TNS1: variants seen among roughly 807,000 people sequenced by gnomAD.
TNS1 encodes tensin 1.
In TNS1, 62 loss-of-function variants were observed where a neutral mutation model predicts 168.6. The ratio of observed to expected loss-of-function variants is 0.37; its 90% CI spans 0.30 to 0.45. The LOEUF (loss-of-function observed/expected upper bound fraction) is 0.45. Ranked by LOEUF, TNS1 falls within the 20% of genes least tolerant of loss-of-function variation. TNS1 has a pLI of 1.00. For missense variants in TNS1, 2,240 were observed against 2,339.4 expected (o/e 0.96, Z 0.88); for synonymous variants, 934 against 933.2 (o/e 1.00, Z -0.02).
At chr2:217,953,997 G>A (rs559907420) in intron 3 of TNS1, among the ~76,000 whole-genome samples, 10 of 152,326 alleles carry the variant, frequency 6.6e-5, no homozygotes, top group Non-Finnish European at 1.0e-4. Flanking sequence ...GAAGACTCAG[G>A]AGAGCATTTA....
intron 12 of TNS1, among the ~76,000 whole-genome samples, chr2:217,889,311 A>T (rs796409079): frequency 2.0e-5 from 3 of 152,320 alleles, no homozygotes; most frequent in African/African-American, 4.8e-5. Context: ...AATAGCCCCC[A>T]GCTGGGACAG....
At chr2:217,808,411 G>T (rs932671589) in intron 31 of TNS1, among the ~76,000 whole-genome samples, 192 bp downstream of exon 31, 1 of 152,080 alleles carries the variant, frequency 6.6e-6, no homozygotes, top group African/African-American at 2.4e-5. Flanking sequence ...CCCTGGGAGG[G>T]TCTCCATATC....
chr2:217,920,563 A>ATTTTTTTTTTTTTTTTT (rs35026780), intron 3 of TNS1, among the ~76,000 whole-genome samples: 2 of 135,922 alleles, frequency 1.5e-5, no homozygotes, highest in South Asian at 2.4e-4. Flanking sequence ...AAGAAGAAGG[A>ATTTTTTTTTTTTTTTTT]TTTTTTTTTT....
chr2:217,989,798 G>A (rs958163442), intron 2 of TNS1, among the ~76,000 whole-genome samples: 8 of 151,980 alleles, frequency 5.3e-5, no homozygotes, highest in East Asian at 1.9e-4. Context: ...CCACCCACAC[G>A]ACTCCCACAC....
At chr2:217,897,259 G>A (rs936890771) in intron 8 of TNS1, among the ~76,000 whole-genome samples, 2 of 152,186 alleles carry the variant, frequency 1.3e-5, no homozygotes, top group African/African-American at 2.4e-5. Flanking sequence ...GTGCCAAGGT[G>A]ACTCCTCTGG....
intron 23 of TNS1, 127 bp from the exon 24 acceptor site, chr2:217,818,886 G>T: frequency 1.4e-6 from 1 of 731,942 alleles, no homozygotes; most frequent in African/African-American, 1.8e-5. Flanking sequence ...CAGTGCGGAA[G>T]GACATCAGGG....
intron 19 of TNS1, among the ~76,000 whole-genome samples, chr2:217,842,949 A>G (rs913111310): frequency 8.5e-5 from 13 of 152,186 alleles, no homozygotes; most frequent in Non-Finnish European, 1.8e-4. Flanking sequence ...CGTATCACCT[A>G]TCTGACATAT....
chr2:217,836,078 G>C lies in TNS1; in HGVS notation c.3141C>G (p.Val1047=). The C allele has an allele frequency of 1.2e-6, 2 of 1,614,070 alleles. No individual in the cohort carries two copies. Among genetic ancestry groups the C allele is most frequent in the South Asian group, 2.2e-5 (2 of 91,076 alleles). Residue 1047 remains valine (V), a synonymous_variant, in exon 20 of 33, where the codon GTC becomes GTG. Coordinates refer to ENST00000682258, the MANE Select transcript of TNS1 (RefSeq NM_001387777.1). ...GAGCCAGCTCCGGGGAGACACACTG[G>C]ACAGGGGAGCGAACCCCAGGGCTAC... The part of the protein sequence containing the change: ...SPRSPGVRSP[V]QCVSPELALT...
intron 18 of TNS1, among the ~76,000 whole-genome samples, chr2:217,869,752 C>T (rs1398903034): frequency 6.6e-5 from 10 of 152,194 alleles, no homozygotes; most frequent in Admixed American, 1.3e-4. Context: ...AGAAAAGAGG[C>T]CCCTGAACCC....
Position 217,880,863 on chromosome 2 carries a change from T to C in TNS1, c.1429+35A>G. On this transcript the variant is annotated intron_variant, in intron 18 of 32. Transcript: ENST00000682258. This position sits in a 1 kb window ranked among gnomAD's most constrained non-coding sequence, Gnocchi z 4.2. ...TCATGTGAGCAGAGGCTGTGCAGTT[T>C]GGATAGGGGCTGGGAGCCACTAGGT... 2 of 1,502,874 alleles carry C rather than the reference T, an allele frequency of 1.3e-6. No homozygotes were observed. Among genetic ancestry groups the C allele is most frequent in the African/African-American group, 1.4e-5 (1 of 72,734 alleles). The allele number at this position is 1,502,874 out of a possible 1,614,324, so 93.1% of individuals were successfully genotyped here.
intron 1 of TNS1, chr2:217,992,583 A>T (rs1398675920): frequency 1.3e-5 from 2 of 152,546 alleles, no homozygotes; most frequent in Non-Finnish European, 2.9e-5. Context: ...AGACAAAATG[A>T]GACCGAGTCA....
At chr2:217,949,871 CA>C (rs1234970940) in intron 3 of TNS1, among the ~76,000 whole-genome samples, 3 of 152,108 alleles carry the variant, frequency 2.0e-5, no homozygotes, top group Non-Finnish European at 4.4e-5. Flanking sequence ...ATGTCCAAAA[CA>C]AGGGTTCCAA....
intron 22 of TNS1, chr2:217,830,229 TG>T: frequency 8.7e-7 from 1 of 1,145,042 alleles, no homozygotes; most frequent in Non-Finnish European, 1.2e-6. Context: ...GTGTGCTGGC[TG>T]GTGAGAGGCA....
intron 24 of TNS1, 60 bp from the exon 25 acceptor site, chr2:217,815,058 A>G: frequency 1.5e-6 from 2 of 1,377,756 alleles, no homozygotes. Context: ...CAAAACATAC[A>G]TCAAAGTCCT....
chr2:217,951,832 G>A (rs1002138969), intron 3 of TNS1, among the ~76,000 whole-genome samples: 10 of 152,306 alleles, frequency 6.6e-5, no homozygotes, highest in Middle Eastern at 3.4e-3. Context: ...CAGGCTAGAC[G>A]TCCCCAGGTT....
At chr2:217,957,331 C>T (rs182654927) in intron 3 of TNS1, among the ~76,000 whole-genome samples, 3 of 152,338 alleles carry the variant, frequency 2.0e-5, no homozygotes, top group Admixed American at 6.5e-5. Context: ...TGCCGCACTC[C>T]TCCCACTGTG....
At chr2:217,915,436 T>C (rs1411774543) in intron 4 of TNS1, among the ~76,000 whole-genome samples, 1 of 152,188 alleles carries the variant, frequency 6.6e-6, no homozygotes, top group East Asian at 1.9e-4. Flanking sequence ...TGCCCGTCTG[T>C]CTTCAAGAAG....
At chr2:217,855,435 G>A (rs529823155) in intron 18 of TNS1, among the ~76,000 whole-genome samples, 84 of 152,138 alleles carry the variant, frequency 5.5e-4, no homozygotes, top group African/African-American at 1.8e-3. Flanking sequence ...AAACCTCTAC[G>A]GTGCTCCTGT....
chr2:217,812,543 T>G (rs775075813), intron 27 of TNS1, 98 bp from the exon 28 acceptor site: 30 of 979,684 alleles, frequency 3.1e-5, no homozygotes, highest in Non-Finnish European at 4.6e-5. Context: ...AATCTTCCAC[T>G]TCTTTATTAC....
Sources: gnomAD v4.1 joint callset for allele counts (sites outside exome capture counted in the v4.1 genomes callset) on GRCh38, gnomAD v4.1.1 for gene constraint, Gnocchi (gnomAD v3.1) non-coding constraint, MANE v1.5 for transcripts, NCBI Gene and HGNC (gene_info 2026-07-23, HGNC 2026-07-21) for gene names.